Variants in SCFD2 observed in about 807,000 individuals in gnomAD.
SCFD2 encodes sec1 family domain containing 2.
A neutral mutation model predicts 58.9 loss-of-function variants in SCFD2; 54 were observed. The observed-to-expected ratio is 0.92, with a 90% CI of 0.74 to 1.15. The LOEUF (loss-of-function observed/expected upper bound fraction) is 1.15, where lower values mean the gene tolerates loss of function less well. Among genes scored for constraint, SCFD2 ranks in the 50% most tolerant of loss-of-function variants. The pLI, the probability that SCFD2 is intolerant of heterozygous loss-of-function variation, is 0.00. For missense variants in SCFD2, 805 were observed against 836.6 expected (o/e 0.96, Z 0.47); for synonymous variants, 321 against 335.9 (o/e 0.96, Z 0.49).
chr4:53,298,373 G>A (rs182526676), intron 3 of SCFD2, among the ~76,000 whole-genome samples: 23 of 152,242 alleles, frequency 1.5e-4, no homozygotes, highest in East Asian at 3.9e-4. Context: ...GAGATCAAAC[G>A]GCAAGGCAGT....
intron 5 of SCFD2, among the ~76,000 whole-genome samples, chr4:52,973,901 G>C (rs1350157699): frequency 6.6e-6 from 1 of 152,124 alleles, no homozygotes; most frequent in Non-Finnish European, 1.5e-5. Context: ...CATATAAACA[G>C]AACCAAGAAC....
chr4:53,052,181 A>G (rs1200312765), intron 5 of SCFD2, among the ~76,000 whole-genome samples: 1 of 151,782 alleles, frequency 6.6e-6, no homozygotes, highest in East Asian at 1.9e-4. Context: ...CCACAACTCA[A>G]CTCTGCCTCT....
intron 4 of SCFD2, among the ~76,000 whole-genome samples, chr4:53,153,619 A>T (rs539953948): frequency 6.6e-6 from 1 of 152,192 alleles, no homozygotes; most frequent in East Asian, 1.9e-4. Flanking sequence ...TAGCACTTGG[A>T]TCCCTTTTAG....
intron 3 of SCFD2, among the ~76,000 whole-genome samples, chr4:53,306,965 C>A (rs574238657): frequency 5.3e-5 from 8 of 152,334 alleles, no homozygotes; most frequent in Admixed American, 2.0e-4. Flanking sequence ...AAAGATGGCA[C>A]GCCAACTGCA....
chr4:53,214,021 T>C (rs1158062201), intron 4 of SCFD2, among the ~76,000 whole-genome samples: 1 of 152,166 alleles, frequency 6.6e-6, no homozygotes, highest in African/African-American at 2.4e-5. Context: ...TCCCATGGTG[T>C]GTATGTGCCA....
chr4:52,905,565 A>G (rs1719326034), intron 7 of SCFD2, among the ~76,000 whole-genome samples: 1 of 152,174 alleles, frequency 6.6e-6, no homozygotes, highest in Non-Finnish European at 1.5e-5. Flanking sequence ...GAGAACATAA[A>G]TTCCTTTTTC....
At chr4:53,295,063 C>T (rs1280280003) in intron 3 of SCFD2, among the ~76,000 whole-genome samples, 1 of 152,156 alleles carries the variant, frequency 6.6e-6, no homozygotes, top group African/African-American at 2.4e-5. Context: ...AGTTTGAAGT[C>T]AGGTAGTGTG....
intron 5 of SCFD2, among the ~76,000 whole-genome samples, chr4:52,968,599 A>C (rs529692886): frequency 6.6e-6 from 1 of 152,354 alleles, no homozygotes; most frequent in Admixed American, 6.5e-5. Flanking sequence ...AGGGAAGATT[A>C]CACAGAGGTT....
intron 4 of SCFD2, among the ~76,000 whole-genome samples, chr4:53,254,539 A>C (rs1334783663): frequency 6.7e-6 from 1 of 148,806 alleles, no homozygotes; most frequent in African/African-American, 2.5e-5. Flanking sequence ...GGGTTTCACC[A>C]TGTTGGCCAG....
rs567259137 is a variant in SCFD2 at position 53,151,085 on chromosome 4, T to C, written c.1312-5503A>G. ...CTGATTAAGATGGTTGGAAAGAGAA[T>C]TAGACCTTCTAAGAAGAGGAAGTTA... is the stretch of plus-strand genomic sequence containing the variant. On this transcript the variant is annotated intron_variant, in intron 4 of 8. Coordinates refer to ENST00000401642, the MANE Select transcript of SCFD2 (RefSeq NM_152540.4). 3.0e-4 allele frequency among the ~76,000 whole-genome samples: 46 copies of C among 152,268 alleles called. No homozygotes were observed. The East Asian group carries it at 7.3e-3, about 24-fold the overall frequency.
intron 5 of SCFD2, among the ~76,000 whole-genome samples, chr4:53,019,606 AC>A (rs1486936961): frequency 6.6e-6 from 1 of 152,146 alleles, no homozygotes; most frequent in African/African-American, 2.4e-5. Context: ...GGGTTGGACA[AC>A]CCTGACACTT....
At chr4:53,236,200 G>A (rs1440714047) in intron 4 of SCFD2, among the ~76,000 whole-genome samples, 1 of 151,984 alleles carries the variant, frequency 6.6e-6, no homozygotes, top group Non-Finnish European at 1.5e-5. Context: ...AATAGAGACG[G>A]GCCTAGCCTC....
chr4:53,176,233 A>C (rs1727324079), intron 4 of SCFD2, among the ~76,000 whole-genome samples: 1 of 152,280 alleles, frequency 6.6e-6, no homozygotes, highest in African/African-American at 2.4e-5. Context: ...TCTGCGAATT[A>C]AAGTATAAGT....
chr4:52,897,822 T>A (rs914600347), intron 7 of SCFD2, among the ~76,000 whole-genome samples: 4 of 152,252 alleles, frequency 2.6e-5, no homozygotes, highest in African/African-American at 9.6e-5. Flanking sequence ...AATTATTGCC[T>A]CAATTTCACA....
Position 52,873,036 on chromosome 4 carries a change from A to G in SCFD2, c.*933T>C, listed in dbSNP as rs547833969. The G allele has an allele frequency of 1.3e-5, 2 of 152,340 alleles. No individual in the cohort carries two copies. The highest frequency in any genetic ancestry group is 2.1e-4 in the South Asian group (1 of 4,826). 9.4% of individuals were successfully genotyped at this position (152,340 alleles called of 1,614,324 possible). ...TGGATGCCAGAAACTTCCATCGACCATACACCTACAAACATGTGGGTTGCA... is the reference window on the plus strand; with the variant it reads ...TGGATGCCAGAAACTTCCATCGACCGTACACCTACAAACATGTGGGTTGCA... On this transcript the variant is annotated 3_prime_UTR_variant, in exon 9 of 9. Transcript: ENST00000401642.
At chr4:53,053,858 A>T (rs917235105) in intron 5 of SCFD2, among the ~76,000 whole-genome samples, 3 of 152,200 alleles carry the variant, frequency 2.0e-5, no homozygotes, top group African/African-American at 7.2e-5. Context: ...GTGATAATTT[A>T]ATGCATTCTG....
intron 4 of SCFD2, among the ~76,000 whole-genome samples, chr4:53,264,420 C>G (rs1292319828): frequency 6.6e-6 from 1 of 152,206 alleles, no homozygotes; most frequent in Non-Finnish European, 1.5e-5. Flanking sequence ...AGTCCTGTCT[C>G]CTATCCGCCA....
chr4:52,954,376 T>C (rs917168679), intron 5 of SCFD2, among the ~76,000 whole-genome samples: 1 of 152,204 alleles, frequency 6.6e-6, no homozygotes, highest in Non-Finnish European at 1.5e-5. Context: ...GTGAGGAAGA[T>C]GATAGAAGAT....
rs533257124 is a variant in SCFD2 at position 53,256,173 on chromosome 4, C to T, written c.1311+17653G>A. 3.4e-5 allele frequency among the ~76,000 whole-genome samples: 5 copies of T among 148,664 alleles called. No individual in the cohort carries two copies. In the South Asian group the frequency reaches 6.4e-4, roughly 19 times the overall value. On this transcript the variant is annotated intron_variant, in intron 4 of 8. Transcript: ENST00000401642. Reference sequence around the variant, plus strand: ...GGGGCTCCTCACTTCTCAGACGGGGCGGCTGCCGGGCGGAGGGACTCCTGA... The same window carrying T: ...GGGGCTCCTCACTTCTCAGACGGGGTGGCTGCCGGGCGGAGGGACTCCTGA...
Sources: allele counts gnomAD v4.1 joint callset (sites outside exome capture counted in the v4.1 genomes callset), GRCh38; gene constraint gnomAD v4.1.1; transcripts MANE v1.5; gene names NCBI Gene and HGNC (gene_info 2026-07-23, HGNC 2026-07-21).